ARHGAP26: variants seen among roughly 807,000 people sequenced by gnomAD.
ARHGAP26 encodes the protein rho GTPase-activating protein 26.
Under a neutral mutation model 104.8 loss-of-function variants are expected in ARHGAP26, and 38 were observed. The observed-to-expected ratio is 0.36, with a 90% CI of 0.28 to 0.48. The LOEUF (loss-of-function observed/expected upper bound fraction) is 0.48, where lower values mean the gene tolerates loss of function less well. Among genes scored for constraint, ARHGAP26 ranks in the 20% least tolerant of loss-of-function variants. The pLI is 0.99. For synonymous variants in ARHGAP26, 341 were observed against 340.0 expected (o/e 1.00, Z -0.03); for missense variants, 704 against 947.9 (o/e 0.74, Z 3.38).
chr5:142,772,330 T>G (rs1296859054), intron 1 of ARHGAP26, among the ~76,000 whole-genome samples: 1 of 152,230 alleles, frequency 6.6e-6, no homozygotes, highest in Non-Finnish European at 1.5e-5. Context: ...GAACAGACCC[T>G]TCCTTTGTCA....
At position 142,770,806 on chromosome 5, in the gene ARHGAP26, T is replaced by G. The variant is rs754059344; in HGVS notation, c.45T>G (p.Ser15Arg). Residue 15 changes from serine (S) to arginine (R), a missense_variant, in exon 1 of 23, where the codon AGT becomes AGG. Around this residue, in one of 6 missense-constraint regions of ARHGAP26, gnomAD observed 77 missense variants for 82.6 expected, o/e 0.93. Transcript: ENST00000645722. The stretch of plus-strand genomic sequence containing the variant: ...AGTTCAGCGACTGCTGCCTCGATAG[T>G]CCGCACTTCCGAGAGACGCTCAAGT... The part of the protein sequence containing the change: ...ALEFSDCCLD[S>R]PHFRETLKSH... 3.1e-6 allele frequency: 5 copies of G among 1,601,896 alleles called. No homozygotes were observed. The South Asian group carries it at 3.3e-5, about 11-fold the overall frequency.
At chr5:142,952,370 G>A (rs980729448) in intron 11 of ARHGAP26, among the ~76,000 whole-genome samples, 4 of 152,182 alleles carry the variant, frequency 2.6e-5, no homozygotes, top group African/African-American at 9.7e-5. Context: ...TCTTCTGGGA[G>A]TGTTGTTTTA....
intron 11 of ARHGAP26, among the ~76,000 whole-genome samples, chr5:142,940,635 CT>C (rs1191605639): frequency 6.6e-6 from 1 of 152,072 alleles, no homozygotes; most frequent in Non-Finnish European, 1.5e-5. Context: ...TGATCTTATT[CT>C]TTTTTTATGG....
At chr5:143,196,905 A>AC in intron 20 of ARHGAP26, among the ~76,000 whole-genome samples, 1 of 152,222 alleles carries the variant, frequency 6.6e-6, no homozygotes, top group Admixed American at 6.5e-5. Context: ...TTTTGAGGTT[A>AC]CAGATACATT....
intron 19 of ARHGAP26, among the ~76,000 whole-genome samples, chr5:143,144,384 G>A (rs1019801376): frequency 1.3e-5 from 2 of 151,828 alleles, no homozygotes; most frequent in Admixed American, 6.6e-5. Flanking sequence ...GTGACATTAC[G>A]GGATCATTTT....
intron 1 of ARHGAP26, among the ~76,000 whole-genome samples, chr5:142,853,675 G>A (rs901610853): frequency 2.6e-5 from 4 of 152,204 alleles, no homozygotes; most frequent in Non-Finnish European, 5.9e-5. Context: ...CACAGAGTAA[G>A]CTTTCAACAA....
intron 1 of ARHGAP26, among the ~76,000 whole-genome samples, chr5:142,872,853 C>A (rs1300674176): frequency 6.6e-6 from 1 of 152,174 alleles, no homozygotes; most frequent in Admixed American, 6.5e-5. Flanking sequence ...ACCTGGGCCT[C>A]GCCTGTGCTT....
At chr5:143,086,114 T>G (rs1026996058) in intron 17 of ARHGAP26, among the ~76,000 whole-genome samples, 1 of 152,160 alleles carries the variant, frequency 6.6e-6, no homozygotes, top group Admixed American at 6.5e-5. Context: ...AGAACAGGAG[T>G]TGATCAGATC....
At chr5:142,906,023 T>C (rs946098294) in intron 8 of ARHGAP26, among the ~76,000 whole-genome samples, 7 of 152,322 alleles carry the variant, frequency 4.6e-5, no homozygotes, top group Admixed American at 3.9e-4. Context: ...TTTCATGACA[T>C]TGACATTTTT....
chr5:142,807,979 T>C (rs1433761637), intron 1 of ARHGAP26, among the ~76,000 whole-genome samples: 1 of 152,182 alleles, frequency 6.6e-6, no homozygotes, highest in Non-Finnish European at 1.5e-5. Context: ...CTCACGCCTG[T>C]AATCCCAGCA....
At chr5:143,178,337 C>G (rs1343125169) in intron 20 of ARHGAP26, among the ~76,000 whole-genome samples, 2 of 152,134 alleles carry the variant, frequency 1.3e-5, no homozygotes, top group African/African-American at 2.4e-5. Context: ...CTGTTCAAGC[C>G]TGGACCTTTG....
intron 1 of ARHGAP26, among the ~76,000 whole-genome samples, chr5:142,806,722 A>G (rs1247738909): frequency 1.3e-5 from 2 of 152,108 alleles, no homozygotes; most frequent in African/African-American, 4.8e-5. Flanking sequence ...GTACCCCCCC[A>G]CTACTTAGAC....
At chr5:142,987,674 ATACC>A (rs1774970018) in intron 11 of ARHGAP26, among the ~76,000 whole-genome samples, 1 of 152,184 alleles carries the variant, frequency 6.6e-6, no homozygotes, top group Non-Finnish European at 1.5e-5. Context: ...TGTCCCATCA[ATACC>A]TAGTTTATTG....
chr5:143,075,598 A>T (rs187890968), intron 17 of ARHGAP26, among the ~76,000 whole-genome samples: 4 of 152,246 alleles, frequency 2.6e-5, no homozygotes, highest in Non-Finnish European at 4.4e-5. Context: ...TATTTTTAAT[A>T]AACTCCCAAG....
intron 12 of ARHGAP26, among the ~76,000 whole-genome samples, chr5:143,020,795 C>T (rs551604886): frequency 5.9e-5 from 9 of 152,152 alleles, no homozygotes; most frequent in South Asian, 2.1e-4. Context: ...CCCGCCCTCA[C>T]GCCCGGCTAA....
chr5:143,207,208 C>T lies in ARHGAP26; in HGVS notation c.1999C>T (p.Pro667Ser), dbSNP rs755110899. The stretch of plus-strand genomic sequence containing the variant: ...TGTTATGTCTTGCAGCCCCCCGAAT[C>T]CAAGCCCAACTTCACCCCTCTCGCC... ...PTRPNSLPPNPSPTSPLSPSW... is the reference protein window; with the variant it reads ...PTRPNSLPPNSSPTSPLSPSW... Residue 667 changes from proline (P) to serine (S), a missense_variant, in exon 21 of 23, where the codon CCA (proline) becomes TCA (serine). By Grantham distance (74) the Pro-to-Ser change is moderately conservative. This residue lies in a region of ARHGAP26 where 217 missense variants were observed against 242.6 expected (regional missense o/e 0.89). Coordinates refer to ENST00000645722, the MANE Select transcript of ARHGAP26 (RefSeq NM_001135608.3). 1.2e-6 allele frequency: 2 copies of T among 1,613,760 alleles called. No homozygotes were observed. The highest frequency in any genetic ancestry group is 2.2e-5 in the South Asian group (2 of 91,074).
chr5:142,918,663 G>C (rs919191866), intron 10 of ARHGAP26, among the ~76,000 whole-genome samples: 3 of 151,746 alleles, frequency 2.0e-5, no homozygotes, highest in East Asian at 3.9e-4. Flanking sequence ...TTTTTGGGGT[G>C]GGGGGGATGT....
At chr5:143,183,612 C>T (rs765745439) in intron 20 of ARHGAP26, among the ~76,000 whole-genome samples, 3 of 152,182 alleles carry the variant, frequency 2.0e-5, no homozygotes, top group East Asian at 1.9e-4. Context: ...CCTGCCCACA[C>T]GTACTGTGAG....
intron 20 of ARHGAP26, chr5:143,202,195 ACTT>A (rs771876480): frequency 6.6e-5 from 10 of 150,840 alleles, no homozygotes; most frequent in African/African-American, 2.4e-5. Flanking sequence ...TATTTAATGC[ACTT>A]CTTTGTCTTT....
Sources: allele counts gnomAD v4.1 joint callset (sites outside exome capture counted in the v4.1 genomes callset), GRCh38; gene constraint gnomAD v4.1.1; regional missense constraint gnomAD v4.1.1; transcripts MANE v1.5; gene names NCBI Gene and HGNC (gene_info 2026-07-23, HGNC 2026-07-21).